Variants in OSBPL5 observed in about 807,000 individuals in gnomAD.
OSBPL5 encodes oxysterol-binding protein-related protein 5.
Under a neutral mutation model 111.2 loss-of-function variants are expected in OSBPL5, and 71 were observed. That is an observed-to-expected ratio of 0.64 (90% confidence interval 0.53 to 0.78). The LOEUF (loss-of-function observed/expected upper bound fraction) is 0.78. OSBPL5 is among the 30% of genes least tolerant of loss of function. OSBPL5 has a pLI of 0.00. For missense variants in OSBPL5, 1,210 were observed against 1,189.3 expected (o/e 1.02, Z -0.26); for synonymous variants, 549 against 513.9 (o/e 1.07, Z -0.93).
chr11:3,104,314 G>C lies in OSBPL5; in HGVS notation c.1123C>G (p.Leu375Val). The change falls in exon 10 of 22, where the codon CTG becomes GTG. Residue 375 changes from leucine (L) to valine (V), a missense_variant. Physicochemically the swap from Leu to Val is conservative, Grantham distance 32. Transcript: ENST00000263650. This position sits in a 1 kb window ranked among gnomAD's most constrained non-coding sequence, Gnocchi z 5.0. Reference sequence around the variant, plus strand: ...TCCATGCCTGGCCGTAGCTGCTTCAGCAGGGTCCACATCAGACTCTTGTTC... The same window carrying C: ...TCCATGCCTGGCCGTAGCTGCTTCACCAGGGTCCACATCAGACTCTTGTTC... ...EENKSLMWTL[L>V]KQLRPGMDLS... 6.2e-7 allele frequency: 1 copy of C among 1,613,654 alleles called. No homozygotes were observed. The highest frequency in any genetic ancestry group is 8.5e-7 in the Non-Finnish European group (1 of 1,179,978).
chr11:3,125,282 A>G (rs1564845649), intron 3 of OSBPL5, among the ~76,000 whole-genome samples: 1 of 152,226 alleles, frequency 6.6e-6, no homozygotes, highest in Non-Finnish European at 1.5e-5. Flanking sequence ...GTAGTCGCAA[A>G]TCATGTATCG....
intron 11 of OSBPL5, 107 bp downstream of exon 11, chr11:3,103,132 G>T: frequency 1.0e-6 from 1 of 954,970 alleles, no homozygotes; most frequent in Non-Finnish European, 1.6e-6. Context: ...TCTAAGCCAT[G>T]TGGGGTAGGG....
intron 1 of OSBPL5, among the ~76,000 whole-genome samples, chr11:3,151,554 A>G (rs1846586586): frequency 6.6e-6 from 1 of 151,824 alleles, no homozygotes. Flanking sequence ...ATCCAAACCG[A>G]CCCCTGCCCT....
chr11:3,140,066 G>T lies in OSBPL5; in HGVS notation c.-21-10897C>A, dbSNP rs555605325. Among the ~76,000 whole-genome samples the T allele has an allele frequency of 3.3e-5, 5 of 152,234 alleles. No homozygotes were observed. The highest frequency in any genetic ancestry group is 7.2e-5 in the African/African-American group (3 of 41,468). On this transcript the variant is annotated intron_variant, in intron 1 of 21. Coordinates refer to ENST00000263650, the MANE Select transcript of OSBPL5 (RefSeq NM_020896.4). The surrounding 1 kb of genome is among the most constrained non-coding windows in gnomAD (Gnocchi z 4.5). ...TGCTCGGCTGTGCAGCCTGGGAGGG[G>T]GGTGTGCAGTGGTCCGCCAAGCAGC...
chr11:3,123,746 G>A (rs1240009701), intron 3 of OSBPL5, among the ~76,000 whole-genome samples: 1 of 152,238 alleles, frequency 6.6e-6, no homozygotes, highest in Admixed American at 6.5e-5. Flanking sequence ...CTTGTCTGCT[G>A]GGGCACCAGG....
Position 3,101,669 on chromosome 11 carries a change from G to A in OSBPL5, c.1456C>T (p.His486Tyr), listed in dbSNP as rs2134406849. The change falls in exon 13 of 22, where the codon CAC (histidine) becomes TAC (tyrosine). Residue 486 changes from histidine to tyrosine, a missense_variant. Physicochemically the swap from His to Tyr is moderately conservative, Grantham distance 83. Coordinates refer to ENST00000263650, the MANE Select transcript of OSBPL5 (RefSeq NM_020896.4). ...AAGCCGTCCTTCCGGTTGCTGACGT[G>A]GAAGGCAGACACGGGCGGGTGGTGG... Reference protein sequence around the residue: ...VSHHPPVSAFHVSNRKDGFCI... With the variant: ...VSHHPPVSAFYVSNRKDGFCI... 1 of 1,613,942 alleles carries A rather than the reference G, an allele frequency of 6.2e-7. No individual in the cohort carries two copies. The highest frequency in any genetic ancestry group is 8.5e-7 in the Non-Finnish European group (1 of 1,179,990).
At chr11:3,118,779 C>G (rs1450495516) in intron 7 of OSBPL5, among the ~76,000 whole-genome samples, 1 of 151,992 alleles carries the variant, frequency 6.6e-6, no homozygotes, top group Non-Finnish European at 1.5e-5. Flanking sequence ...CCATGTTGAT[C>G]AGGCTGGTCA....
rs1453235899 is a variant in OSBPL5 at position 3,092,377 on chromosome 11, G to A, written c.2259+55C>T. 3 of 1,511,884 alleles carry A rather than the reference G, an allele frequency of 2.0e-6. No individual in the cohort carries two copies. Among genetic ancestry groups the A allele is most frequent in the Non-Finnish European group, 2.7e-6 (3 of 1,124,988 alleles). The allele number at this position is 1,511,884 out of a possible 1,614,324, so 93.7% of individuals were successfully genotyped here. On this transcript the variant is annotated intron_variant, in intron 19 of 21. Coordinates refer to ENST00000263650, the MANE Select transcript of OSBPL5 (RefSeq NM_020896.4). The surrounding 1 kb of genome is among the most constrained non-coding windows in gnomAD (Gnocchi z 5.4). ...AGTGAGGTGAGGAGCGAGGGGTGGT[G>A]GTGGCCACACGTGCAGCTAAGACCA...
intron 1 of OSBPL5, among the ~76,000 whole-genome samples, chr11:3,131,732 A>ATCCATCCG (rs1845796202): frequency 7.2e-6 from 1 of 139,102 alleles, no homozygotes; most frequent in South Asian, 2.4e-4. Flanking sequence ...CCATCCATCC[A>ATCCATCCG]TCCTCCCAGG....
At chr11:3,117,356 A>G (rs1858248919) in intron 7 of OSBPL5, among the ~76,000 whole-genome samples, 2 of 152,236 alleles carry the variant, frequency 1.3e-5, no homozygotes, top group Non-Finnish European at 2.9e-5. Flanking sequence ...CCTCAAGAAG[A>G]TAATAATTCG....
intron 7 of OSBPL5, among the ~76,000 whole-genome samples, chr11:3,112,696 A>C (rs1020782449): frequency 1.3e-5 from 2 of 152,170 alleles, no homozygotes; most frequent in African/African-American, 4.8e-5. Context: ...AGATCCAGTT[A>C]AATGATAGGT....
At chr11:3,103,161 G>A (rs1857516119) in intron 11 of OSBPL5, 78 bp downstream of exon 11, 5 of 1,331,646 alleles carry the variant, frequency 3.8e-6, no homozygotes, top group Non-Finnish European at 5.2e-6. Flanking sequence ...GGGGACTCAG[G>A]GAAGTGCCAA....
intron 13 of OSBPL5, 33 bp downstream of exon 13, chr11:3,101,570 G>A: frequency 6.3e-7 from 1 of 1,577,558 alleles, no homozygotes; most frequent in Non-Finnish European, 8.7e-7. Flanking sequence ...ATTTCCCTGA[G>A]GCCCCAGGGA....
chr11:3,121,674 T>C lies in OSBPL5; in HGVS notation c.402+323A>G. ...GGTCCTCTCCCAGAAGCCAGAGCAA[T>C]GTCTCCCTCCCCAGCGCCCTCCGCC... On this transcript the variant is annotated intron_variant, in intron 5 of 21. Coordinates refer to ENST00000263650, the MANE Select transcript of OSBPL5 (RefSeq NM_020896.4). The surrounding 1 kb of genome is among the most constrained non-coding windows in gnomAD (Gnocchi z 4.3). The C allele has an allele frequency of 2.8e-6, 1 of 351,754 alleles. No individual in the cohort carries two copies. Among genetic ancestry groups the C allele is most frequent in the Non-Finnish European group, 5.3e-6 (1 of 188,464 alleles). The allele number at this position is 351,754 out of a possible 1,614,324, so 21.8% of individuals were successfully genotyped here. A position where few individuals can be genotyped will look rare whatever the true frequency, so the allele number is the denominator to read the frequency against.
At chr11:3,093,285 T>C in intron 17 of OSBPL5, 1 of 752,434 alleles carries the variant, frequency 1.3e-6, no homozygotes. Context: ...GTGCACCTGT[T>C]GGTCACTCGC....
Position 3,122,003 on chromosome 11 carries a change from G to A in OSBPL5, c.396C>T (p.Ser132=). 6.4e-7 allele frequency: 1 copy of A among 1,565,888 alleles called. No individual in the cohort carries two copies. The highest frequency in any genetic ancestry group is 8.6e-7 in the Non-Finnish European group (1 of 1,159,778). ...TDPSVVIMAD[S]LKIRGTLKSW... ...GAGGCCGGGCATCACCTACCTTCAG[G>A]CTGTCAGCCATGATGACCACGCTGG... The change falls in exon 5 of 22, where the codon AGC becomes AGT. Residue 132 remains serine (S), a synonymous_variant. Transcript: ENST00000263650.
In OSBPL5 at chr11:3,145,035, G is replaced by C. The variant is rs576457435; in HGVS notation, c.-21-15866C>G. Among the ~76,000 whole-genome samples, 16 of 152,336 alleles carry C rather than the reference G, an allele frequency of 1.1e-4. No homozygotes were observed. The South Asian group carries it at 3.3e-3, about 32-fold the overall frequency. ...CATCTAGCCCAGCGGAGGCCTTTGG[G>C]GGGCAGCCTGGCTCTTTGCGACTCC... On this transcript the variant is annotated intron_variant, in intron 1 of 21. Coordinates refer to ENST00000263650, the MANE Select transcript of OSBPL5 (RefSeq NM_020896.4).
chr11:3,106,531 C>A lies in OSBPL5; in HGVS notation c.1059+732G>T, dbSNP rs114990492. On this transcript the variant is annotated intron_variant, in intron 9 of 21. Coordinates refer to ENST00000263650, the MANE Select transcript of OSBPL5 (RefSeq NM_020896.4). This position sits in a 1 kb window ranked among gnomAD's most constrained non-coding sequence, Gnocchi z 8.4. ...AGGCGCCCCACGGTGCCCAGGGCCA[C>A]GTGAGTTCTCTCCAGCTGCGGGGAG... 0.016 allele frequency among the ~76,000 whole-genome samples: 2,402 copies of A among 152,300 alleles called. 49 individuals carry two copies. The highest frequency in any genetic ancestry group is 0.05 in the African/African-American group (2,068 of 41,572).
intron 13 of OSBPL5, among the ~76,000 whole-genome samples, chr11:3,100,915 C>CCAACACTGA (rs888384691): frequency 6.6e-6 from 1 of 152,066 alleles, no homozygotes; most frequent in Non-Finnish European, 1.5e-5. Flanking sequence ...CACTCCGGGG[C>CCAACACTGA]CAACACTGAG....
Sources: allele counts gnomAD v4.1 joint callset (sites outside exome capture counted in the v4.1 genomes callset), GRCh38; gene constraint gnomAD v4.1.1; non-coding constraint Gnocchi (gnomAD v3.1); transcripts MANE v1.5; gene names NCBI Gene and HGNC (gene_info 2026-07-23, HGNC 2026-07-21).